CC2D1B: variants seen among roughly 807,000 people sequenced by gnomAD.
CC2D1B encodes coiled-coil and C2 domain containing 1B, also known as coiled-coil and C2 domain-containing protein 1B.
Under a neutral mutation model 110.8 loss-of-function variants are expected in CC2D1B, and 92 were observed. The observed-to-expected ratio is 0.83, with a 90% CI of 0.70 to 0.99. The LOEUF (loss-of-function observed/expected upper bound fraction) is 0.99. Ranked by LOEUF, CC2D1B falls within the 50% of genes least tolerant of loss-of-function variation. The pLI is 0.00. For synonymous variants in CC2D1B, 406 were observed against 429.2 expected (o/e 0.95, Z 0.67); for missense variants, 1,136 against 1,089.0 (o/e 1.04, Z -0.61).
At position 52,364,419 on chromosome 1, in the gene CC2D1B, C is replaced by T. The variant is rs1557557926; in HGVS notation, c.69+133G>A. 5 of 524,204 alleles carry T rather than the reference C, an allele frequency of 9.5e-6. No homozygotes were observed. The South Asian group carries it at 1.6e-4, about 17-fold the overall frequency. 32.5% of individuals were successfully genotyped at this position (524,204 alleles called of 1,614,324 possible). On this transcript the variant is annotated intron_variant, in intron 2 of 24. Coordinates refer to ENST00000284376, the MANE Select transcript of CC2D1B (RefSeq NM_001330585.2). The stretch of plus-strand genomic sequence containing the variant: ...ACTAGTAGGAGGGTGTCTAAGGGCT[C>T]TGCCACCTCCAGGAGGCACTGCTCC...
At chr1:52,358,299 C>T (rs1187378919) in intron 13 of CC2D1B, 32 bp downstream of exon 13, 1 of 1,603,996 alleles carries the variant, frequency 6.2e-7, no homozygotes, top group Non-Finnish European at 8.5e-7. Flanking sequence ...CTATTCTCCC[C>T]ACCAGCCCTG....
At position 52,360,706 on chromosome 1, in the gene CC2D1B, G is replaced by A. The variant is rs1438901126; in HGVS notation, c.478-157C>T. The A allele has an allele frequency of 1.5e-5, 18 of 1,164,824 alleles. No homozygotes were observed. The East Asian group carries it at 4.6e-4, about 30-fold the overall frequency. The allele number at this position is 1,164,824 out of a possible 1,614,324, so 72.2% of individuals were successfully genotyped here. On this transcript the variant is annotated intron_variant, in intron 5 of 24. Transcript: ENST00000284376. ...CAGGAAGCAAAGGCTCACTGGAGAGGCCAGAGGCCATGGCAGAGGCAAATA... is the reference window on the plus strand; with the variant it reads ...CAGGAAGCAAAGGCTCACTGGAGAGACCAGAGGCCATGGCAGAGGCAAATA...
chr1:52,361,344 T>C lies in CC2D1B; in HGVS notation c.318+169A>G, dbSNP rs980997258. The stretch of plus-strand genomic sequence containing the variant: ...ATCTGAGAATCCCCAACTGCAGAGC[T>C]TAGACCAGAAGTCAAAGAGACACGC... On this transcript the variant is annotated intron_variant, in intron 4 of 24. Transcript: ENST00000284376. 8.5e-6 allele frequency: 11 copies of C among 1,294,550 alleles called. No homozygotes were observed. The Admixed American group carries it at 1.3e-4, about 15-fold the overall frequency. 80.2% of individuals were successfully genotyped at this position (1,294,550 alleles called of 1,614,324 possible).
chr1:52,360,711 A>T, intron 5 of CC2D1B, 162 bp from the exon 6 acceptor site: 1 of 1,126,056 alleles, frequency 8.9e-7, no homozygotes, highest in Non-Finnish European at 1.2e-6. Context: ...GAGAGGCCAG[A>T]GGCCATGGCA....
chr1:52,363,684 T>TC (rs1646830476), intron 2 of CC2D1B, among the ~76,000 whole-genome samples: 1 of 151,362 alleles, frequency 6.6e-6, no homozygotes, highest in Non-Finnish European at 1.5e-5. Flanking sequence ...TACATCCTTT[T>TC]TTTTTTTTTT....
In CC2D1B at chr1:52,360,399, C is replaced by G. The variant is rs184195871; in HGVS notation, c.603+25G>C. On this transcript the variant is annotated intron_variant, in intron 6 of 24. Transcript: ENST00000284376. Reference sequence around the variant, plus strand: ...CTTTCATGCAGCCCCCTCCCCTGCCCTGCTCCCAGCCTAGCCCGACTCACC... The same window carrying G: ...CTTTCATGCAGCCCCCTCCCCTGCCGTGCTCCCAGCCTAGCCCGACTCACC... 1.5e-4 allele frequency: 240 copies of G among 1,611,468 alleles called. 1 individual carries two copies. The highest frequency in any genetic ancestry group is 2.0e-4 in the Non-Finnish European group (237 of 1,179,052).
chr1:52,353,677 A>C (rs1321008168), intron 23 of CC2D1B, 30 bp from the exon 24 acceptor site: 2 of 1,530,760 alleles, frequency 1.3e-6, no homozygotes, highest in Non-Finnish European at 8.9e-7. Context: ...GGAAATGGTA[A>C]CTAAGGGGAC....
chr1:52,355,676 A>G lies in CC2D1B; in HGVS notation c.2129-10T>C. On this transcript the variant is annotated splice_polypyrimidine_tract_variant and intron_variant, in intron 19 of 24. Transcript: ENST00000284376. ...TCATCGGGAGTCACCCCTGGGAAGGAGAAAAGGGAGTCAAGTCAGAGGGAG... is the reference window on the plus strand; with the variant it reads ...TCATCGGGAGTCACCCCTGGGAAGGGGAAAAGGGAGTCAAGTCAGAGGGAG... The G allele has an allele frequency of 1.9e-6, 3 of 1,614,158 alleles. No homozygotes were observed. Among genetic ancestry groups the G allele is most frequent in the Non-Finnish European group, 2.5e-6 (3 of 1,180,032 alleles).
Position 52,361,613 on chromosome 1 carries a change from G to T in CC2D1B, c.218C>A (p.Pro73His). The change falls in exon 4 of 25, where the codon CCC (proline) becomes CAC (histidine). Residue 73 changes from proline to histidine, a missense_variant. Physicochemically the swap from Pro to His is moderately conservative, Grantham distance 77. Transcript: ENST00000284376. Reference protein sequence around the residue: ...GKKPAPKGQAPLPMAHIEKLA... With the variant: ...GKKPAPKGQAHLPMAHIEKLA... ...CTTCTCGATGTGGGCCATGGGCAGGGGGGCTGGGGGAAAAAGGTCACAACA... is the reference window on the plus strand; with the variant it reads ...CTTCTCGATGTGGGCCATGGGCAGGTGGGCTGGGGGAAAAAGGTCACAACA... The T allele has an allele frequency of 6.2e-7, 1 of 1,613,738 alleles. No individual in the cohort carries two copies. The highest frequency in any genetic ancestry group is 8.5e-7 in the Non-Finnish European group (1 of 1,180,016).
intron 16 of CC2D1B, 200 bp from the exon 17 acceptor site, chr1:52,356,642 A>C: frequency 1.6e-6 from 1 of 627,492 alleles, no homozygotes; most frequent in Non-Finnish European, 2.8e-6. Flanking sequence ...TTCTGAGGAG[A>C]GCCATTCCCC....
intron 18 of CC2D1B, 43 bp from the exon 19 acceptor site, chr1:52,355,887 C>T: frequency 6.3e-7 from 1 of 1,599,482 alleles, no homozygotes; most frequent in African/African-American, 1.3e-5. Context: ...AAGTGAAGGA[C>T]AGTAGTGGAA....
At chr1:52,362,461 C>G in intron 3 of CC2D1B, 141 bp downstream of exon 3, 1 of 1,028,210 alleles carries the variant, frequency 9.7e-7, no homozygotes, top group Non-Finnish European at 1.4e-6. Flanking sequence ...GCGAGGCCGC[C>G]TCTTGGTGGG....
intron 5 of CC2D1B, 128 bp from the exon 6 acceptor site, chr1:52,360,677 A>T: frequency 7.3e-7 from 1 of 1,370,802 alleles, no homozygotes; most frequent in Non-Finnish European, 9.9e-7. Flanking sequence ...TAAAAGCCTT[A>T]AGGCAGGAAG....
rs764195060 is a variant in CC2D1B, at chr1:52,359,469, C to T, written c.1008G>A (p.Pro336=). ...GQPVDLSAMP[P]APEDLKPQQA... is the part of the protein sequence containing the mutation. ...AAGATACATACTGACCCTCAGGTGC[C>T]GGGGGCATGGCACTCAGATCCACGG... is the stretch of plus-strand genomic sequence containing the variant. Residue 336 remains proline (P), a synonymous_variant, in exon 9 of 25, where the codon CCG becomes CCA. Transcript: ENST00000284376. 2.0e-5 allele frequency: 33 copies of T among 1,613,958 alleles called. No individual in the cohort carries two copies. The highest frequency in any genetic ancestry group is 4.5e-5 in the East Asian group (2 of 44,888).
Position 52,362,613 on chromosome 1 carries a change from G to T in CC2D1B, c.203C>A (p.Pro68His). 1.9e-6 allele frequency: 3 copies of T among 1,614,144 alleles called. No individual in the cohort carries two copies. The Admixed American group carries it at 5.0e-5, about 27-fold the overall frequency. The change falls in exon 3 of 25, where the codon CCC becomes CAC. Residue 68 changes from proline to histidine, a missense_variant. Coordinates refer to ENST00000284376, the MANE Select transcript of CC2D1B (RefSeq NM_001330585.2). ...GTGTCCAAACTCACCCTGCCCCTTG[G>T]GTGCTGGCTTCTTGCCTGTGGTTTG... Reference protein sequence around the residue: ...EAQTTGKKPAPKGQAPLPMAH... With the variant: ...EAQTTGKKPAHKGQAPLPMAH...
chr1:52,362,572 C>T, intron 3 of CC2D1B, 30 bp downstream of exon 3: 1 of 1,613,580 alleles, frequency 6.2e-7, no homozygotes, highest in Non-Finnish European at 8.5e-7. Context: ...CTTGTCCCAG[C>T]ACCAAGACCA....
At chr1:52,354,579 C>T (rs772518347) in intron 23 of CC2D1B, 29 bp downstream of exon 23, 1 of 1,595,684 alleles carries the variant, frequency 6.3e-7, no homozygotes, top group Admixed American at 1.7e-5. Context: ...GTACCAACCC[C>T]TTTGGCTTGC....
Position 52,358,667 on chromosome 1 carries a change from T to G in CC2D1B, c.1330+19A>C. ...AGGGACCACCTCCTCACAGAGCCCCTAGGCCATGCCCCACTTACCTGGAGG... is the reference window on the plus strand; with the variant it reads ...AGGGACCACCTCCTCACAGAGCCCCGAGGCCATGCCCCACTTACCTGGAGG... On this transcript the variant is annotated intron_variant, in intron 12 of 24. Coordinates refer to ENST00000284376, the MANE Select transcript of CC2D1B (RefSeq NM_001330585.2). 1.2e-6 allele frequency: 2 copies of G among 1,612,158 alleles called. No homozygotes were observed. Among genetic ancestry groups the G allele is most frequent in the Non-Finnish European group, 1.7e-6 (2 of 1,178,818 alleles).
At chr1:52,363,807 A>G (rs889067940) in intron 2 of CC2D1B, among the ~76,000 whole-genome samples, 15 of 152,158 alleles carry the variant, frequency 9.9e-5, no homozygotes, top group African/African-American at 3.4e-4. Context: ...CAGCCTCCCA[A>G]GAAGCTGGGA....
Sources: gnomAD v4.1 joint callset for allele counts (sites outside exome capture counted in the v4.1 genomes callset) on GRCh38, gnomAD v4.1.1 for gene constraint, MANE v1.5 for transcripts, NCBI Gene and HGNC (gene_info 2026-07-23, HGNC 2026-07-21) for gene names.